The following OPCML variants were observed in gnomAD, a reference collection of about 807,000 sequenced individuals.
The protein encoded by OPCML is opioid-binding protein/cell adhesion molecule.
OPCML carries 13 observed loss-of-function variants against 37.8 expected under a neutral mutation model. That is an observed-to-expected ratio of 0.34 (90% confidence interval 0.22 to 0.55). OPCML has a LOEUF of 0.55. OPCML is among the 20% of genes least tolerant of loss of function. The pLI is 0.91. For missense variants in OPCML, 341 were observed against 435.6 expected (o/e 0.78, Z 1.93); for synonymous variants, 176 against 168.8 (o/e 1.04, Z -0.33).
intron 2 of OPCML, among the ~76,000 whole-genome samples, chr11:132,872,048 TTTC>T (rs1467063905): frequency 6.6e-6 from 1 of 152,220 alleles, no homozygotes; most frequent in Admixed American, 6.5e-5. Flanking sequence ...CACTGTTTCC[TTTC>T]TAACATATTA....
intron 1 of OPCML, among the ~76,000 whole-genome samples, chr11:133,204,159 T>C (rs1353399564): frequency 6.6e-6 from 1 of 151,318 alleles, no homozygotes; most frequent in African/African-American, 2.4e-5. Context: ...ATTTAAGTTA[T>C]GCAAAATACA....
At chr11:133,527,155 G>A (rs1201230176) in intron 1 of OPCML, among the ~76,000 whole-genome samples, 1 of 152,208 alleles carries the variant, frequency 6.6e-6, no homozygotes, top group Non-Finnish European at 1.5e-5. Context: ...GTGCCCATAG[G>A]CCAAAGGCTA....
intron 1 of OPCML, among the ~76,000 whole-genome samples, chr11:133,101,450 A>G (rs1949084169): frequency 6.6e-6 from 1 of 152,242 alleles, no homozygotes; most frequent in South Asian, 2.1e-4. Context: ...GAAATATATA[A>G]CAACCTGATT....
At chr11:132,710,437 C>T in intron 2 of OPCML, among the ~76,000 whole-genome samples, 1 of 152,132 alleles carries the variant, frequency 6.6e-6, no homozygotes, top group Non-Finnish European at 1.5e-5. Flanking sequence ...ATAAAGGAGA[C>T]ACGATGATAT....
intron 4 of OPCML, among the ~76,000 whole-genome samples, chr11:132,453,094 T>C (rs2096072765): frequency 6.6e-6 from 1 of 152,228 alleles, no homozygotes; most frequent in African/African-American, 2.4e-5. Flanking sequence ...TATGACTTCC[T>C]TGACTTTAGG....
chr11:133,021,360 C>A (rs1947446567), intron 1 of OPCML, among the ~76,000 whole-genome samples: 1 of 152,096 alleles, frequency 6.6e-6, no homozygotes, highest in South Asian at 2.1e-4. Context: ...CAAGTGGACA[C>A]CCCAGGAGAG....
chr11:132,865,354 C>T lies in OPCML; in HGVS notation c.146+77572G>A, dbSNP rs528701245. Among the ~76,000 whole-genome samples the T allele has an allele frequency of 3.2e-4, 49 of 152,122 alleles. No homozygotes were observed. In the South Asian group the frequency reaches 5.2e-3, roughly 16 times the overall value. ...TGTACAAAGAAGAAAGTGTATTTTT[C>T]GATTTTTGCTTAGGAGGCATTTTTG... On this transcript the variant is annotated intron_variant, in intron 2 of 7. Coordinates refer to ENST00000524381, the MANE Select transcript of OPCML (RefSeq NM_001012393.5).
chr11:133,346,746 G>T (rs1020814352), intron 1 of OPCML, among the ~76,000 whole-genome samples: 1 of 152,146 alleles, frequency 6.6e-6, no homozygotes, highest in African/African-American at 2.4e-5. Context: ...TTTACCACTT[G>T]TTTGATTAAT....
chr11:133,114,205 G>C (rs1039922825), intron 1 of OPCML, among the ~76,000 whole-genome samples: 11 of 152,094 alleles, frequency 7.2e-5, no homozygotes, highest in Non-Finnish European at 1.6e-4. Flanking sequence ...CCCCTGAACT[G>C]CTCGCTCTGC....
At chr11:133,257,248 C>A (rs952122435) in intron 1 of OPCML, among the ~76,000 whole-genome samples, 1 of 152,154 alleles carries the variant, frequency 6.6e-6, no homozygotes, top group African/African-American at 2.4e-5. Context: ...TCTCAATGAC[C>A]TATAATTTCA....
intron 2 of OPCML, among the ~76,000 whole-genome samples, chr11:132,919,922 A>G (rs1293926539): frequency 6.6e-6 from 1 of 152,232 alleles, no homozygotes; most frequent in Non-Finnish European, 1.5e-5. Flanking sequence ...GTCCACATAC[A>G]TGAAATGTCT....
intron 1 of OPCML, among the ~76,000 whole-genome samples, chr11:133,445,074 C>T (rs1261376753): frequency 7.9e-6 from 1 of 126,678 alleles, no homozygotes; most frequent in Non-Finnish European, 1.6e-5. Flanking sequence ...TGAAAGATCA[C>T]CAAGAGACCA....
chr11:133,176,893 G>A (rs995155563), intron 1 of OPCML, among the ~76,000 whole-genome samples: 3 of 152,186 alleles, frequency 2.0e-5, no homozygotes, highest in Non-Finnish European at 2.9e-5. Flanking sequence ...CAGCTGTCCG[G>A]CTAACAACTT....
intron 1 of OPCML, among the ~76,000 whole-genome samples, chr11:133,494,960 C>T (rs182961042): frequency 1.3e-5 from 2 of 152,200 alleles, no homozygotes; most frequent in East Asian, 3.9e-4. Flanking sequence ...TATTTGGTTA[C>T]ATGAGTAACT....
chr11:132,602,172 C>T (rs1309120331), intron 3 of OPCML, among the ~76,000 whole-genome samples: 1 of 152,082 alleles, frequency 6.6e-6, no homozygotes, highest in Non-Finnish European at 1.5e-5. Flanking sequence ...ACAGAAGCCT[C>T]CCAGAGGCAC....
At chr11:132,657,900 G>T (rs1014579124) in intron 2 of OPCML, among the ~76,000 whole-genome samples, 2 of 152,266 alleles carry the variant, frequency 1.3e-5, no homozygotes, top group Non-Finnish European at 2.9e-5. Flanking sequence ...AGTCAAAACT[G>T]CATCTTAGGA....
intron 2 of OPCML, among the ~76,000 whole-genome samples, chr11:132,873,715 CA>C (rs34642015): frequency 0.22 from 24,959 of 111,196 alleles, 2,241 homozygotes; most frequent in African/African-American, 0.4. Context: ...CAGTTGGGCA[CA>C]AAAAAAAAAA....
At chr11:132,627,059 A>G (rs921918673) in intron 3 of OPCML, among the ~76,000 whole-genome samples, 7 of 152,228 alleles carry the variant, frequency 4.6e-5, no homozygotes, top group African/African-American at 1.7e-4. Flanking sequence ...GATCCATTCT[A>G]TATCTATTGC....
chr11:133,452,840 G>A (rs931113877), intron 1 of OPCML, among the ~76,000 whole-genome samples: 2 of 151,700 alleles, frequency 1.3e-5, no homozygotes, highest in Non-Finnish European at 2.9e-5. Context: ...AATTTGCTTA[G>A]CATCCCAAAA....
Sources: allele counts gnomAD v4.1 joint callset (sites outside exome capture counted in the v4.1 genomes callset), GRCh38; gene constraint gnomAD v4.1.1; transcripts MANE v1.5; gene names NCBI Gene and HGNC (gene_info 2026-07-23, HGNC 2026-07-21).